Variants in POLE observed in about 807,000 individuals in gnomAD.
The protein encoded by POLE is DNA polymerase epsilon catalytic subunit A.
In POLE, 188 loss-of-function variants were observed where a neutral mutation model predicts 279.2. The ratio of observed to expected loss-of-function variants is 0.67; its 90% CI spans 0.60 to 0.76. The LOEUF is 0.76. Among genes scored for constraint, POLE ranks in the 30% least tolerant of loss-of-function variants. The pLI is 0.00. For synonymous variants in POLE, 1,214 were observed against 1,172.5 expected (o/e 1.04, Z -0.72); for missense variants, 2,703 against 3,016.7 (o/e 0.90, Z 2.44).
chr12:132,666,560 T>C (rs958190756), intron 20 of POLE, among the ~76,000 whole-genome samples: 5 of 152,230 alleles, frequency 3.3e-5, no homozygotes, highest in Non-Finnish European at 5.9e-5. Context: ...CCAACCTTGG[T>C]GACAGAGTGA....
chr12:132,649,954 G>C, intron 29 of POLE, 65 bp from the exon 30 acceptor site: 9 of 1,439,820 alleles, frequency 6.3e-6, no homozygotes, highest in Non-Finnish European at 8.6e-6. Context: ...CTCATGCCTG[G>C]AATGCCAGCA....
chr12:132,653,619 C>G (rs4883611), intron 29 of POLE, among the ~76,000 whole-genome samples: 42 of 152,046 alleles, frequency 2.8e-4, no homozygotes, highest in Non-Finnish European at 4.9e-4. Context: ...AATTACATCG[C>G]CTGTAAATAA....
At chr12:132,670,892 AGCC>A in intron 16 of POLE, among the ~76,000 whole-genome samples, 1 of 152,342 alleles carries the variant, frequency 6.6e-6, no homozygotes, top group Admixed American at 6.5e-5. Flanking sequence ...GGCTGACAAT[AGCC>A]AAACAGTGCT....
At chr12:132,641,024 A>G in intron 39 of POLE, 1 of 456,648 alleles carries the variant, frequency 2.2e-6, no homozygotes, top group South Asian at 1.5e-5. Flanking sequence ...CTACCCTTCC[A>G]TTCATTTGTG....
chr12:132,628,171 G>A (rs553024519), intron 45 of POLE, among the ~76,000 whole-genome samples: 3 of 151,954 alleles, frequency 2.0e-5, no homozygotes, highest in South Asian at 4.2e-4. Context: ...GTGAAACCCT[G>A]TCTCTACTAA....
chr12:132,632,604 C>G lies in POLE; in HGVS notation c.6136+60G>C. The G allele has an allele frequency of 3.1e-6, 5 of 1,612,278 alleles. No individual in the cohort carries two copies. In the South Asian group the frequency reaches 5.5e-5, roughly 18 times the overall value. ...CTGGCACCGGGGACCACCCATGGCA[C>G]ACAGAGGAGTTAGGTCACTGGCACA... is the stretch of plus-strand genomic sequence containing the variant. On this transcript the variant is annotated intron_variant, in intron 44 of 48. Coordinates refer to ENST00000320574, the MANE Select transcript of POLE (RefSeq NM_006231.4).
chr12:132,650,071 G>A (rs1030620485), intron 29 of POLE, among the ~76,000 whole-genome samples, 182 bp from the exon 30 acceptor site: 3 of 152,096 alleles, frequency 2.0e-5, no homozygotes, highest in South Asian at 4.1e-4. Flanking sequence ...TTAGCCAGGC[G>A]TGGTAGTGCG....
At chr12:132,642,149 C>T (rs747839517) in intron 38 of POLE, 28 bp downstream of exon 38, 2 of 1,495,652 alleles carry the variant, frequency 1.3e-6, no homozygotes, top group African/African-American at 1.4e-5. Flanking sequence ...AGCCAGGTCT[C>T]ATGGGCCTCG....
chr12:132,673,543 C>A (rs2135998718), intron 13 of POLE, 32 bp downstream of exon 13: 1 of 1,593,266 alleles, frequency 6.3e-7, no homozygotes, highest in Non-Finnish European at 8.5e-7. Context: ...GTGCACACGG[C>A]AGCAGGGGCA....
rs754311081 is a variant in POLE at position 132,661,651 on chromosome 12, C to T, written c.2740G>A (p.Ala914Thr). 6.2e-7 allele frequency: 1 copy of T among 1,614,118 alleles called. No homozygotes were observed. The highest frequency in any genetic ancestry group is 1.1e-5 in the South Asian group (1 of 91,080). Residue 914 changes from alanine to threonine, a missense_variant, in exon 24 of 49, where the codon GCT (alanine) becomes ACT (threonine). By Grantham distance (58) the Ala-to-Thr change is moderately conservative (BLOSUM62 0). Around this residue, in one of 5 missense-constraint regions of POLE, gnomAD observed 101 missense variants for 115.4 expected, o/e 0.87. Transcript: ENST00000320574. This position sits in a 1 kb window ranked among gnomAD's most constrained non-coding sequence, Gnocchi z 4.1. The part of the protein sequence containing the change: ...GFTNDQYQEL[A>T]EPSSLTYVTR... Reference sequence around the variant, plus strand: ...ACGTAGGTGAGTGAGGACGGCTCAGCCAGCTCCTGGTACTGGTCATTGGTG... The same window carrying T: ...ACGTAGGTGAGTGAGGACGGCTCAGTCAGCTCCTGGTACTGGTCATTGGTG...
chr12:132,651,441 C>T (rs1038092313), intron 29 of POLE: 1 of 152,238 alleles, frequency 6.6e-6, no homozygotes, highest in African/African-American at 2.4e-5. Flanking sequence ...TCCTACTTCC[C>T]ACAATCTTGC....
At chr12:132,667,209 C>T (rs544493539) in intron 20 of POLE, among the ~76,000 whole-genome samples, 11 of 152,118 alleles carry the variant, frequency 7.2e-5, no homozygotes, top group African/African-American at 1.9e-4. Flanking sequence ...CAGTTGGGTT[C>T]GTAAAACTTG....
intron 23 of POLE, 88 bp downstream of exon 23, chr12:132,663,916 G>T: frequency 7.0e-7 from 1 of 1,419,188 alleles, no homozygotes; most frequent in Non-Finnish European, 9.9e-7. Flanking sequence ...AGGAAGGCAT[G>T]CACACTGTGA....
chr12:132,675,493 T>G lies in POLE; in HGVS notation c.1131A>C (p.Ala377=), dbSNP rs2043026188. The change falls in exon 12 of 49, where the codon GCA becomes GCC. Residue 377 remains alanine (A), a synonymous_variant. Coordinates refer to ENST00000320574, the MANE Select transcript of POLE (RefSeq NM_006231.4). The surrounding 1 kb of genome is among the most constrained non-coding windows in gnomAD (Gnocchi z 4.3). ...CCTGCTGCATGCTCAGACCGTGGAC[T>G]GCTGCCCGGGCCTCCACAAATGGCC... The part of the protein sequence containing the change: ...FDWPFVEARA[A]VHGLSMQQEI... The G allele has an allele frequency of 6.2e-7, 1 of 1,614,170 alleles. No individual in the cohort carries two copies. Among genetic ancestry groups the G allele is most frequent in the Non-Finnish European group, 8.5e-7 (1 of 1,180,036 alleles).
intron 35 of POLE, 53 bp downstream of exon 35, chr12:132,643,171 T>C: frequency 6.3e-7 from 1 of 1,574,988 alleles, no homozygotes; most frequent in South Asian, 1.1e-5. Context: ...GATGTCCTCC[T>C]TCCCCAAACC....
rs567847401 is a variant in POLE, at chr12:132,634,665, C to A, written c.5812-287G>T. Among the ~76,000 whole-genome samples, 1 of 151,906 alleles carries A rather than the reference C, an allele frequency of 6.6e-6. No individual in the cohort carries two copies. Among genetic ancestry groups the A allele is most frequent in the East Asian group, 1.9e-4 (1 of 5,176 alleles). On this transcript the variant is annotated intron_variant, in intron 42 of 48. Coordinates refer to ENST00000320574, the MANE Select transcript of POLE (RefSeq NM_006231.4). The surrounding 1 kb of genome is among the most constrained non-coding windows in gnomAD (Gnocchi z 4.0). ...CTTTAATTGTTGAACTCCCACCCCC[C>A]AAGGACGAAAGAACCAGCCAGAGCT...
intron 32 of POLE, 98 bp from the exon 33 acceptor site, chr12:132,644,075 G>C (rs1469974968): frequency 1.5e-6 from 2 of 1,357,286 alleles, no homozygotes; most frequent in African/African-American, 2.9e-5. Context: ...TAGACTTCTG[G>C]TGCCCCTAGC....
At position 132,686,937 on chromosome 12, in the gene POLE, T is replaced by C. The variant is rs375690738; in HGVS notation, c.62+317A>G. On this transcript the variant is annotated intron_variant, in intron 1 of 48. Coordinates refer to ENST00000320574, the MANE Select transcript of POLE (RefSeq NM_006231.4). ...CCTGGCCCGGGTCCCGCCGCTCTCA[T>C]CGCCCCCGCCGCGCGGCAGGTCCCA... Among the ~76,000 whole-genome samples the C allele has an allele frequency of 8.1e-4, 114 of 141,346 alleles. No homozygotes were observed. In the East Asian group the frequency reaches 0.026, roughly 33 times the overall value. 92.7% of individuals were successfully genotyped at this position (141,346 alleles called of 152,430 possible). A position where few individuals can be genotyped will look rare whatever the true frequency, so the allele number is the denominator to read the frequency against.
intron 1 of POLE, among the ~76,000 whole-genome samples, chr12:132,682,311 A>AAAAAAAAAAAAAT (rs1555230620): frequency 1.3e-5 from 1 of 74,380 alleles, no homozygotes; most frequent in African/African-American, 3.5e-5. Context: ...AAAATAAATA[A>AAAAAAAAAAAAAT]AAATAAATAA....
Sources: gnomAD v4.1 joint callset for allele counts (sites outside exome capture counted in the v4.1 genomes callset) on GRCh38, gnomAD v4.1.1 for gene constraint, gnomAD v4.1.1 regional missense constraint, Gnocchi (gnomAD v3.1) non-coding constraint, MANE v1.5 for transcripts, NCBI Gene and HGNC (gene_info 2026-07-23, HGNC 2026-07-21) for gene names.